Variants in ZNF701 observed in about 807,000 individuals in gnomAD.
ZNF701 encodes zinc finger protein 701.
In ZNF701, 6 loss-of-function variants were observed where a neutral mutation model predicts 7.1. The observed-to-expected ratio is 0.84, with a 90% CI of 0.46 to 1.66. ZNF701 has a LOEUF of 1.66. Among genes scored for constraint, ZNF701 ranks in the 40% most tolerant of loss-of-function variants. ZNF701 has a pLI of 0.01. For synonymous variants in ZNF701, 166 were observed against 188.2 expected, an observed-to-expected ratio of 0.88 and a Z score of 0.97; for missense variants, 541 against 559.2, an observed-to-expected ratio of 0.97 and a Z score of 0.33.
At chr19:52,591,026 G>C (rs2060034833), downstream of ZNF701, among the ~76,000 whole-genome samples, 3 of 152,030 alleles carry the variant, frequency 2.0e-5, no homozygotes, top group South Asian at 6.2e-4. Context: ...TTTTAATAGA[G>C]ACGGGGTTTT....
Position 52,582,935 on chromosome 19 carries a change from T to A in ZNF701, c.876T>A (p.His292Gln), listed in dbSNP as rs200151539. 21 of 1,614,120 alleles carry A rather than the reference T, an allele frequency of 1.3e-5. No homozygotes were observed. In the East Asian group the frequency reaches 4.7e-4, roughly 36 times the overall value. Residue 292 changes from histidine (H) to glutamine (Q), a missense_variant, in exon 4 of 4, where the codon CAT becomes CAA. Coordinates refer to ENST00000391785, the MANE Select transcript of ZNF701 (RefSeq NM_018260.3). ...NSALLVHKAI[H>Q]TGEKPYKCNE... is the part of the protein sequence containing the mutation. The stretch of plus-strand genomic sequence containing the variant: ...CCCTGTTAGTTCACAAGGCAATTCA[T>A]ACTGGAGAGAAACCTTACAAGTGTA...
chr19:52,596,925 T>G, the ZNF701 span: 2 of 569,352 alleles, frequency 3.5e-6, no homozygotes, highest in African/African-American at 1.9e-5. Context: ...ACCTTACAAG[T>G]GTAATGAGTG....
chr19:52,572,700 C>T (rs1409678976), intron 1 of ZNF701: 1 of 349,884 alleles, frequency 2.9e-6, no homozygotes, highest in African/African-American at 2.2e-5. Context: ...GCAGGGAACC[C>T]TCCATGGGCT....
rs1035330863 is a variant in ZNF701, at chr19:52,584,073, A to T, written c.*616A>T. 5 of 447,420 alleles carry T rather than the reference A, an allele frequency of 1.1e-5. No homozygotes were observed. Among genetic ancestry groups the T allele is most frequent in the Middle Eastern group, 6.9e-4 (2 of 2,908 alleles). 27.7% of individuals were successfully genotyped at this position (447,420 alleles called of 1,614,324 possible). A position where few individuals can be genotyped will look rare whatever the true frequency, so the allele number is the denominator to read the frequency against. On this transcript the variant is annotated 3_prime_UTR_variant, in exon 4 of 4. Transcript: ENST00000391785. ...TGATTGTGAGCAAAGCCTTTACTTC[A>T]CGTTCACACCACATTAGATATCAGA...
intron 1 of ZNF701, among the ~76,000 whole-genome samples, chr19:52,571,950 A>G (rs2059903398): frequency 6.6e-6 from 1 of 151,636 alleles, no homozygotes; most frequent in African/African-American, 2.4e-5. Flanking sequence ...CAGCCTCCCT[A>G]GTAGCTGGGA....
At chr19:52,590,500 T>C (rs1176733368), downstream of ZNF701, among the ~76,000 whole-genome samples, 3 of 152,168 alleles carry the variant, frequency 2.0e-5, no homozygotes. Flanking sequence ...GTGTAGTTCT[T>C]CATAATTTCC....
In ZNF701 at chr19:52,582,688, C is replaced by G; in HGVS notation, c.629C>G (p.Thr210Arg). 1 of 1,614,104 alleles carries G rather than the reference C, an allele frequency of 6.2e-7. No homozygotes were observed. Among genetic ancestry groups the G allele is most frequent in the Non-Finnish European group, 8.5e-7 (1 of 1,180,024 alleles). ...SLLTQKREVHTREKSFQRNES... is the reference protein window; with the variant it reads ...SLLTQKREVHRREKSFQRNES... ...CTCACACAAAAACGGGAAGTACACA[C>G]AAGAGAAAAATCTTTCCAACGTAAT... Residue 210 changes from threonine (T) to arginine (R), a missense_variant, in exon 4 of 4, where the codon ACA becomes AGA. Thr to Arg is a moderately conservative substitution (Grantham distance 71). Transcript: ENST00000391785.
chr19:52,587,787 A>G (rs2060020672), downstream of ZNF701, among the ~76,000 whole-genome samples: 1 of 152,200 alleles, frequency 6.6e-6, no homozygotes, highest in Non-Finnish European at 1.5e-5. Flanking sequence ...CTGTTTTATC[A>G]AAGATTGCTA....
downstream of ZNF701, among the ~76,000 whole-genome samples, chr19:52,587,520 A>G (rs1263870546): frequency 1.3e-5 from 2 of 152,120 alleles, no homozygotes; most frequent in Admixed American, 6.6e-5. Context: ...TACTTTCTCT[A>G]TGGAAACCTT....
At chr19:52,596,109 A>T in the ZNF701 span, 1 of 987,980 alleles carries the variant, frequency 1.0e-6, no homozygotes, top group African/African-American at 1.6e-5. Flanking sequence ...ATGAGGGAAA[A>T]ACCTTTCCAA....
chr19:52,597,047 C>G, the ZNF701 span: 1 of 1,257,762 alleles, frequency 8.0e-7, no homozygotes, highest in African/African-American at 1.5e-5. Flanking sequence ...ATGCTACAAC[C>G]ATTGCAAATC....
At chr19:52,596,049 G>A in the ZNF701 span, 3 of 1,400,850 alleles carry the variant, frequency 2.1e-6, no homozygotes, top group Non-Finnish European at 3.0e-6. Flanking sequence ...ATTAAGTATG[G>A]GAAGAATTTC....
At chr19:52,592,166 C>A, downstream of ZNF701, 1 of 1,543,894 alleles carries the variant, frequency 6.5e-7, no homozygotes. Context: ...TGCCTGAACC[C>A]TGCACAGAGG....
intron 2 of ZNF701, among the ~76,000 whole-genome samples, chr19:52,574,966 GTGTT>G (rs753295330): frequency 3.4e-4 from 51 of 148,566 alleles, no homozygotes; most frequent in Non-Finnish European, 5.8e-4. Context: ...ATATATATTT[GTGTT>G]TGTTTGTTTG....
intron 1 of ZNF701, among the ~76,000 whole-genome samples, chr19:52,571,047 A>G (rs181732613): frequency 9.9e-5 from 15 of 152,160 alleles, no homozygotes; most frequent in Non-Finnish European, 1.9e-4. Context: ...AGAAAGACCC[A>G]TAACAGATGG....
the ZNF701 span, chr19:52,596,070 C>T: frequency 8.0e-7 from 1 of 1,243,570 alleles, no homozygotes; most frequent in Non-Finnish European, 1.2e-6. Flanking sequence ...CTCTATTCTT[C>T]ATTATTCACA....
the ZNF701 span, among the ~76,000 whole-genome samples, chr19:52,593,635 C>A: frequency 1.8e-5 from 2 of 110,344 alleles, 1 homozygote; most frequent in African/African-American, 7.3e-5. Context: ...CTTCTCACTT[C>A]TCAGACGGGG....
chr19:52,596,327 C>T, the ZNF701 span: 1 of 403,946 alleles, frequency 2.5e-6, no homozygotes, highest in South Asian at 2.0e-5. Flanking sequence ...GAAGTCATCC[C>T]TTCAGTGTCA....
In ZNF701 at chr19:52,574,024, A is replaced by G. The variant is rs1022156162; in HGVS notation, c.-71-53A>G. ...ACCTTTGTATGTGTCATTGTGTTACAGGCAGGAGGTGTGTTGATTCTGAGC... is the reference window on the plus strand; with the variant it reads ...ACCTTTGTATGTGTCATTGTGTTACGGGCAGGAGGTGTGTTGATTCTGAGC... On this transcript the variant is annotated intron_variant, in intron 1 of 3. Transcript: ENST00000391785. 1.9e-6 allele frequency: 3 copies of G among 1,563,998 alleles called. No individual in the cohort carries two copies. In the South Asian group the frequency reaches 3.4e-5, roughly 18 times the overall value.
Sources: gnomAD v4.1 joint callset for allele counts (sites outside exome capture counted in the v4.1 genomes callset) on GRCh38, gnomAD v4.1.1 for gene constraint, MANE v1.5 for transcripts, NCBI Gene and HGNC (gene_info 2026-07-23, HGNC 2026-07-21) for gene names.